The following ABTB2 variants were observed in gnomAD, a reference collection of about 807,000 sequenced individuals.
ABTB2 encodes the protein ankyrin repeat and BTB domain containing 2.
In ABTB2, 56 loss-of-function variants were observed where a neutral mutation model predicts 104.1. The ratio of observed to expected loss-of-function variants is 0.54; its 90% confidence interval spans 0.43 to 0.67. ABTB2 has a LOEUF of 0.67. Ranked by LOEUF, ABTB2 falls within the 30% of genes least tolerant of loss-of-function variation. The probability of loss-of-function intolerance (pLI) is 0.00; values close to 1 mark genes in which losing one functional copy is unlikely to be tolerated. For synonymous variants in ABTB2, 606 were observed against 608.2 expected (o/e 1.00, Z 0.05); for missense variants, 1,279 against 1,407.7 (o/e 0.91, Z 1.46).
At chr11:34,175,027 G>C (rs1447118014) in intron 3 of ABTB2, among the ~76,000 whole-genome samples, 1 of 152,254 alleles carries the variant, frequency 6.6e-6, no homozygotes, top group African/African-American at 2.4e-5. Flanking sequence ...GGTCACTGTG[G>C]TCTCTCCCCT....
At chr11:34,294,293 T>C (rs116874146) in intron 1 of ABTB2, among the ~76,000 whole-genome samples, 15,591 of 152,244 alleles carry the variant, frequency 0.1, 1,123 homozygotes, top group Admixed American at 0.15. Flanking sequence ...ATTGTGCCAC[T>C]GCACTCCAGC....
chr11:34,202,738 G>A (rs765187738), intron 2 of ABTB2, among the ~76,000 whole-genome samples: 27 of 152,190 alleles, frequency 1.8e-4, no homozygotes, highest in Non-Finnish European at 8.8e-5. Context: ...TACTAGGGAG[G>A]TAAAGGCAGG....
chr11:34,210,813 C>T (rs905284817), intron 1 of ABTB2, among the ~76,000 whole-genome samples: 6 of 152,190 alleles, frequency 3.9e-5, no homozygotes, highest in African/African-American at 1.2e-4. Flanking sequence ...CTTGGCAGGG[C>T]GTCTTCTGCC....
chr11:34,273,718 C>CT (rs1184634534), intron 1 of ABTB2, among the ~76,000 whole-genome samples: 2 of 152,076 alleles, frequency 1.3e-5, no homozygotes, highest in East Asian at 3.9e-4. Context: ...CCTTGCATCC[C>CT]TTTATGCACT....
chr11:34,263,134 T>C (rs912410661), intron 1 of ABTB2, among the ~76,000 whole-genome samples: 34 of 152,224 alleles, frequency 2.2e-4, no homozygotes, highest in African/African-American at 7.7e-4. Flanking sequence ...GGGCCTTGGA[T>C]ACACTGAGGT....
At chr11:34,352,224 T>C (rs939227000) in intron 1 of ABTB2, among the ~76,000 whole-genome samples, 4 of 152,242 alleles carry the variant, frequency 2.6e-5, no homozygotes, top group African/African-American at 7.2e-5. Flanking sequence ...AGTGAGATGT[T>C]GAGACTTCTC....
intron 1 of ABTB2, among the ~76,000 whole-genome samples, chr11:34,208,503 T>TC (rs894745485): frequency 6.6e-6 from 1 of 152,160 alleles, no homozygotes; most frequent in Non-Finnish European, 1.5e-5. Context: ...ATCCTTTGCC[T>TC]CCCTCTTCTA....
At chr11:34,232,090 AG>A (rs970996616) in intron 1 of ABTB2, among the ~76,000 whole-genome samples, 11 of 152,350 alleles carry the variant, frequency 7.2e-5, no homozygotes, top group African/African-American at 2.6e-4. Flanking sequence ...TAATGTTAAT[AG>A]GGGAAACGGT....
intron 1 of ABTB2, among the ~76,000 whole-genome samples, chr11:34,228,162 C>T (rs1314513674): frequency 1.4e-5 from 1 of 70,536 alleles, no homozygotes; most frequent in African/African-American, 4.7e-5. Flanking sequence ...CAGGTTCAAG[C>T]AATTCTCCTG....
intron 1 of ABTB2, among the ~76,000 whole-genome samples, chr11:34,233,787 C>T (rs560845579): frequency 6.6e-6 from 1 of 152,078 alleles, no homozygotes; most frequent in East Asian, 1.9e-4. Context: ...TTCAAATAGG[C>T]TTTTAGTACA....
At chr11:34,164,375 AAT>A (rs1852766864) in intron 9 of ABTB2, among the ~76,000 whole-genome samples, 1 of 69,038 alleles carries the variant, frequency 1.4e-5, no homozygotes, top group African/African-American at 2.9e-5. Flanking sequence ...CATGGGAAGC[AAT>A]GTGGTCCTGA....
intron 1 of ABTB2, among the ~76,000 whole-genome samples, chr11:34,220,226 T>G (rs537772240): frequency 1.3e-5 from 2 of 152,204 alleles, no homozygotes; most frequent in African/African-American, 4.8e-5. Context: ...AAACGATCAC[T>G]GGACACTTGA....
intron 1 of ABTB2, among the ~76,000 whole-genome samples, chr11:34,284,255 A>G (rs919045754): frequency 2.0e-5 from 3 of 152,236 alleles, no homozygotes; most frequent in Non-Finnish European, 4.4e-5. Flanking sequence ...TAGGGCAGAG[A>G]TGGCTCAGCT....
chr11:34,310,012 T>G (rs1022858993), intron 1 of ABTB2, among the ~76,000 whole-genome samples: 1 of 152,204 alleles, frequency 6.6e-6, no homozygotes, highest in African/African-American at 2.4e-5. Flanking sequence ...GGCCTAGCGA[T>G]CACTTGGGCT....
At chr11:34,298,955 T>G (rs936191163) in intron 1 of ABTB2, among the ~76,000 whole-genome samples, 1 of 152,214 alleles carries the variant, frequency 6.6e-6, no homozygotes, top group Non-Finnish European at 1.5e-5. Flanking sequence ...TTCCAGCCCT[T>G]GAACAGTTTG....
intron 1 of ABTB2, among the ~76,000 whole-genome samples, chr11:34,262,357 T>G (rs922830990): frequency 6.6e-6 from 1 of 152,192 alleles, no homozygotes; most frequent in African/African-American, 2.4e-5. Context: ...CGAGGAAACC[T>G]AAGGCTCAGA....
chr11:34,237,246 GGCTGTGTCCTCGTGATTTTCCTGGATAT>G (rs1853855998), intron 1 of ABTB2, among the ~76,000 whole-genome samples: 1 of 151,216 alleles, frequency 6.6e-6, no homozygotes, highest in Admixed American at 6.6e-5. Context: ...TGATTACCAC[GGCTGTGTCCTCGTGATTTTCCTGGATAT>G]TCTTTTTTTT....
At chr11:34,195,590 T>G (rs1298972664) in intron 3 of ABTB2, among the ~76,000 whole-genome samples, 1 of 152,174 alleles carries the variant, frequency 6.6e-6, no homozygotes, top group East Asian at 1.9e-4. Flanking sequence ...GCCACTGCTG[T>G]TTTATATTCC....
intron 1 of ABTB2, among the ~76,000 whole-genome samples, chr11:34,313,484 G>A (rs908900140): frequency 6.6e-6 from 1 of 152,216 alleles, no homozygotes; most frequent in Non-Finnish European, 1.5e-5. Context: ...GCCACCTCCT[G>A]CCCCTTGGGG....
Sources: gnomAD v4.1 joint callset for allele counts (sites outside exome capture counted in the v4.1 genomes callset) on GRCh38, gnomAD v4.1.1 for gene constraint, MANE v1.5 for transcripts, NCBI Gene and HGNC (gene_info 2026-07-23, HGNC 2026-07-21) for gene names.